Variants in NRXN1 observed in about 807,000 individuals in gnomAD.
The protein encoded by NRXN1 is neurexin-1.
Under a neutral mutation model 150.9 loss-of-function variants are expected in NRXN1, and 39 were observed. That is an observed-to-expected ratio of 0.26 (90% CI 0.20 to 0.34). The LOEUF (loss-of-function observed/expected upper bound fraction) is 0.34, where lower values mean the gene tolerates loss of function less well. Among genes scored for constraint, NRXN1 ranks in the 10% least tolerant of loss-of-function variants. The pLI is 1.00. For synonymous variants in NRXN1, 924 were observed against 757.0 expected, an observed-to-expected ratio of 1.22 and a Z score of -3.62; for missense variants, 1,815 against 1,949.9, an observed-to-expected ratio of 0.93 and a Z score of 1.30.
At position 50,013,318 on chromosome 2, in the gene NRXN1, T is replaced by G. The variant is rs72889504; in HGVS notation, c.4128+39953A>C. 4.4e-3 allele frequency among the ~76,000 whole-genome samples: 625 copies of G among 142,860 alleles called. 2 individuals carry two copies. The highest frequency in any genetic ancestry group is 0.016 in the African/African-American group (605 of 38,380). The allele number at this position is 142,860 out of a possible 152,430, so 93.7% of individuals were successfully genotyped here. ...AGCTGTGTAAAATAACCAAGATCTA[T>G]TTCTCATTCTAGCATGTGGTCTCAG... On this transcript the variant is annotated intron_variant, in intron 21 of 22. Transcript: ENST00000401669.
At chr2:50,176,762 A>T (rs1027314080) in intron 18 of NRXN1, among the ~76,000 whole-genome samples, 2 of 152,064 alleles carry the variant, frequency 1.3e-5, no homozygotes, top group African/African-American at 4.8e-5. Flanking sequence ...AAAATTGGGG[A>T]CCTTAAAGCA....
At chr2:50,905,044 C>G (rs561981588) in intron 5 of NRXN1, among the ~76,000 whole-genome samples, 2 of 152,204 alleles carry the variant, frequency 1.3e-5, no homozygotes, top group South Asian at 4.1e-4. Context: ...AGACCCAGGC[C>G]ATGTCCTAAT....
chr2:50,549,070 A>G (rs1467136518), intron 9 of NRXN1, among the ~76,000 whole-genome samples: 1 of 152,200 alleles, frequency 6.6e-6, no homozygotes, highest in African/African-American at 2.4e-5. Flanking sequence ...TAATATTCAT[A>G]TAGCCCCTGA....
At chr2:50,273,022 C>A (rs2069909794) in intron 17 of NRXN1, among the ~76,000 whole-genome samples, 2 of 151,988 alleles carry the variant, frequency 1.3e-5, no homozygotes, top group African/African-American at 4.8e-5. Context: ...TCTTAAAAAA[C>A]ACATAAAAAT....
intron 5 of NRXN1, among the ~76,000 whole-genome samples, chr2:50,842,123 G>A (rs1363463373): frequency 6.6e-6 from 1 of 152,174 alleles, no homozygotes; most frequent in Non-Finnish European, 1.5e-5. Context: ...CCTCATCTGT[G>A]AGTGGACAGG....
At chr2:50,397,895 T>C (rs1462611340) in intron 17 of NRXN1, among the ~76,000 whole-genome samples, 2 of 152,164 alleles carry the variant, frequency 1.3e-5, no homozygotes, top group African/African-American at 2.4e-5. Context: ...AATCAATTAA[T>C]TGACCAACAA....
chr2:49,955,785 C>A (rs1674828667), intron 21 of NRXN1, among the ~76,000 whole-genome samples: 1 of 151,830 alleles, frequency 6.6e-6, no homozygotes, highest in African/African-American at 2.4e-5. Context: ...TTATCTTTTT[C>A]CTGAAAGAGG....
At chr2:50,687,797 G>A (rs185036844) in intron 5 of NRXN1, among the ~76,000 whole-genome samples, 31 of 152,282 alleles carry the variant, frequency 2.0e-4, no homozygotes, top group African/African-American at 7.0e-4. Context: ...TTCTCTGCAG[G>A]AGACCAAGGC....
intron 5 of NRXN1, among the ~76,000 whole-genome samples, chr2:50,752,295 G>A (rs530979341): frequency 9.1e-4 from 139 of 151,954 alleles, no homozygotes; most frequent in African/African-American, 3.2e-3. Flanking sequence ...TCTGAAGATG[G>A]AAATACACTG....
intron 17 of NRXN1, among the ~76,000 whole-genome samples, chr2:50,286,321 A>T (rs2072162048): frequency 6.6e-6 from 1 of 152,072 alleles, no homozygotes. Flanking sequence ...AGTAATCACA[A>T]TTCTACTCTC....
chr2:50,581,541 A>T (rs1672263165), intron 8 of NRXN1, among the ~76,000 whole-genome samples: 1 of 152,214 alleles, frequency 6.6e-6, no homozygotes, highest in African/African-American at 2.4e-5. Context: ...GCAACCAATA[A>T]GTATGGGCTG....
chr2:50,003,066 TTCTC>T (rs1224249245), intron 21 of NRXN1, among the ~76,000 whole-genome samples: 1 of 152,130 alleles, frequency 6.6e-6, no homozygotes, highest in African/African-American at 2.4e-5. Flanking sequence ...AAATAAGTTT[TTCTC>T]TCTTAGACAA....
At chr2:50,757,300 G>T (rs1324150381) in intron 5 of NRXN1, among the ~76,000 whole-genome samples, 1 of 151,790 alleles carries the variant, frequency 6.6e-6, no homozygotes, top group African/African-American at 2.4e-5. Context: ...AGTGAGGCAT[G>T]TGCAAGAGAA....
At position 50,361,732 on chromosome 2, in the gene NRXN1, C is replaced by G. The variant is rs183912312; in HGVS notation, c.3364+103710G>C. 1.4e-4 allele frequency among the ~76,000 whole-genome samples: 22 copies of G among 152,278 alleles called. No individual in the cohort carries two copies. In the East Asian group the frequency reaches 4.1e-3, roughly 28 times the overall value. On this transcript the variant is annotated intron_variant, in intron 17 of 22. Coordinates refer to ENST00000401669, the MANE Select transcript of NRXN1 (RefSeq NM_001330078.2). ...CCTAACAATAGAAAAAGAGGCACTC[C>G]TCCCTAACTCATTTTATGAGGCCAG...
intron 5 of NRXN1, among the ~76,000 whole-genome samples, chr2:50,816,687 T>C (rs972222289): frequency 1.3e-5 from 2 of 152,114 alleles, no homozygotes; most frequent in African/African-American, 4.8e-5. Context: ...GATGATGTAC[T>C]TACTGCCACT....
chr2:50,107,029 T>C (rs1265361434), intron 18 of NRXN1, among the ~76,000 whole-genome samples: 3 of 151,862 alleles, frequency 2.0e-5, no homozygotes, highest in African/African-American at 7.2e-5. Context: ...TGATAGAGCA[T>C]CAAGGCAAAA....
intron 8 of NRXN1, among the ~76,000 whole-genome samples, chr2:50,576,130 C>A (rs1671403785): frequency 6.6e-6 from 1 of 152,084 alleles, no homozygotes; most frequent in African/African-American, 2.4e-5. Flanking sequence ...TGTTTCCATA[C>A]ACATATTTTC....
chr2:49,956,146 T>C, intron 21 of NRXN1, among the ~76,000 whole-genome samples: 1 of 152,162 alleles, frequency 6.6e-6, no homozygotes, highest in African/African-American at 2.4e-5. Flanking sequence ...ATCTGGCCAA[T>C]CAGTCAGAAA....
At chr2:50,917,942 A>T (rs1685453542) in intron 5 of NRXN1, 1 of 151,742 alleles carries the variant, frequency 6.6e-6, no homozygotes, top group South Asian at 2.1e-4. Flanking sequence ...GTTTAATGAA[A>T]TATTATTGTG....
Sources: allele counts gnomAD v4.1 joint callset (sites outside exome capture counted in the v4.1 genomes callset), GRCh38; gene constraint gnomAD v4.1.1; transcripts MANE v1.5; gene names NCBI Gene and HGNC (gene_info 2026-07-23, HGNC 2026-07-21).